Variants in TGFBI observed in about 807,000 individuals in gnomAD.
TGFBI encodes the protein transforming growth factor beta induced, also known as transforming growth factor-beta-induced protein ig-h3.
In TGFBI, 50 loss-of-function variants were observed where a neutral mutation model predicts 73.7. The ratio of observed to expected loss-of-function variants is 0.68; its 90% CI spans 0.54 to 0.86. The LOEUF is 0.86. Among genes scored for constraint, TGFBI ranks in the 40% least tolerant of loss-of-function variants. The pLI is 0.00. For synonymous variants in TGFBI, 362 were observed against 360.5 expected, an observed-to-expected ratio of 1.00 and a Z score of -0.05; for missense variants, 839 against 877.0, an observed-to-expected ratio of 0.96 and a Z score of 0.55.
At chr5:136,037,878 C>G (rs958651777) in intron 2 of TGFBI, among the ~76,000 whole-genome samples, 2 of 152,154 alleles carry the variant, frequency 1.3e-5, no homozygotes, top group Non-Finnish European at 2.9e-5. Flanking sequence ...CTGGGCAGGG[C>G]ACTGGGGACA....
intron 6 of TGFBI, chr5:136,047,706 C>G: frequency 2.6e-6 from 1 of 378,106 alleles, no homozygotes; most frequent in Admixed American, 4.1e-5. Flanking sequence ...GAGCCCTGGA[C>G]CTGCACTGTG....
At position 136,054,873 on chromosome 5, in the gene TGFBI, G is replaced by T. The variant is rs1179748833; in HGVS notation, c.1410+12G>T. 6.2e-7 allele frequency: 1 copy of T among 1,611,934 alleles called. No homozygotes were observed. The highest frequency in any genetic ancestry group is 1.7e-4 in the Middle Eastern group (1 of 6,058). On this transcript the variant is annotated intron_variant, in intron 10 of 16. Transcript: ENST00000442011. ...TTGTTTATCGTAATGTAAGTTCTGG[G>T]TCCTAAATCATGCTCCTGGGAAGCT...
At position 136,053,947 on chromosome 5, in the gene TGFBI, G is replaced by T. The variant is rs557545677; in HGVS notation, c.1131G>T (p.Lys377Asn). 6.2e-7 allele frequency: 1 copy of T among 1,613,904 alleles called. No individual in the cohort carries two copies. Residue 377 changes from lysine to asparagine, a missense_variant, in exon 9 of 17, where the codon AAG (lysine) becomes AAT (asparagine). Lys to Asn is a moderately conservative substitution (Grantham distance 94). Transcript: ENST00000442011. ...CCACTTTCTCCTTCCTTGTAGCCAAGACACTATTTGAATTGGCTGCAGAGT... is the reference window on the plus strand; with the variant it reads ...CCACTTTCTCCTTCCTTGTAGCCAATACACTATTTGAATTGGCTGCAGAGT... The part of the protein sequence containing the change: ...IDELLIPDSA[K>N]TLFELAAESD...
At position 136,046,979 on chromosome 5, in the gene TGFBI, G is replaced by A. The variant is rs1196045402; in HGVS notation, c.588G>A (p.Gln196=). 6.2e-7 allele frequency: 1 copy of A among 1,613,410 alleles called. No individual in the cohort carries two copies. Among genetic ancestry groups the A allele is most frequent in the East Asian group, 2.2e-5 (1 of 44,814 alleles). The change falls in exon 5 of 17, where the codon CAG becomes CAA. Residue 196 remains glutamine (Q), a synonymous_variant. Coordinates refer to ENST00000442011, the MANE Select transcript of TGFBI (RefSeq NM_000358.3). ...GCATGACCCTCACCTCTATGTACCA[G>A]AATTCCAACATCCAGATCCACCACT... ...KHGMTLTSMY[Q]NSNIQIHHYP...
At chr5:136,043,977 CAACTTA>C in intron 2 of TGFBI, 75 bp from the exon 3 acceptor site, 1 of 1,206,040 alleles carries the variant, frequency 8.3e-7, no homozygotes, top group Middle Eastern at 1.9e-4. Context: ...GCTGTGGAGG[CAACTTA>C]GTGGAGAGGG....
intron 3 of TGFBI, chr5:136,046,012 A>G (rs1751420024): frequency 4.7e-6 from 1 of 212,764 alleles, no homozygotes; most frequent in East Asian, 1.0e-4. Context: ...ACTAGTTTGT[A>G]ATTAGGATAT....
chr5:136,033,618 A>T, intron 1 of TGFBI, 145 bp from the exon 2 acceptor site: 1 of 653,142 alleles, frequency 1.5e-6, no homozygotes, highest in East Asian at 2.8e-5. Context: ...TCTAAACCCA[A>T]GATATCCCCA....
At chr5:136,058,083 G>A (rs2126916218) in intron 12 of TGFBI, among the ~76,000 whole-genome samples, 1 of 152,246 alleles carries the variant, frequency 6.6e-6, no homozygotes, top group South Asian at 2.1e-4. Context: ...ATATTGAAAG[G>A]ACATCCCATG....
At chr5:136,037,078 A>G (rs563501645) in intron 2 of TGFBI, among the ~76,000 whole-genome samples, 97 of 152,302 alleles carry the variant, frequency 6.4e-4, no homozygotes, top group Non-Finnish European at 1.1e-3. Flanking sequence ...CACTGCTATC[A>G]TCAGGTGAAG....
At position 136,029,034 on chromosome 5, in the gene TGFBI, T is replaced by A; in HGVS notation, c.-22T>A. Reference sequence around the variant, plus strand: ...GCTTGCCCGTCGGTCGCTAGCTCGCTCGGTGCGCGTCGTCCCGCTCCATGG... The same window carrying A: ...GCTTGCCCGTCGGTCGCTAGCTCGCACGGTGCGCGTCGTCCCGCTCCATGG... On this transcript the variant is annotated 5_prime_UTR_variant, in exon 1 of 17. Transcript: ENST00000442011. The A allele has an allele frequency of 6.6e-7, 1 of 1,517,682 alleles. No homozygotes were observed. Among genetic ancestry groups the A allele is most frequent in the Non-Finnish European group, 8.8e-7 (1 of 1,139,868 alleles). 94.0% of individuals were successfully genotyped at this position (1,517,682 alleles called of 1,614,324 possible). A position where few individuals can be genotyped will look rare whatever the true frequency, so the allele number is the denominator to read the frequency against.
Position 136,028,998 on chromosome 5 carries a change from T to A in TGFBI, c.-58T>A, listed in dbSNP as rs1279522134. On this transcript the variant is annotated 5_prime_UTR_variant, in exon 1 of 17. Transcript: ENST00000442011. ...GGCGGCGGAGGCGCTCTCACTTCCC[T>A]GGAGCCGCCCGCTTGCCCGTCGGTC... is the stretch of plus-strand genomic sequence containing the variant. The A allele has an allele frequency of 1.3e-6, 2 of 1,503,550 alleles. No individual in the cohort carries two copies. Among genetic ancestry groups the A allele is most frequent in the Non-Finnish European group, 1.8e-6 (2 of 1,133,190 alleles). 93.1% of individuals were successfully genotyped at this position (1,503,550 alleles called of 1,614,324 possible).
Position 136,046,856 on chromosome 5 carries a change from G to T in TGFBI, c.465G>T (p.Val155=). Reference sequence around the variant, plus strand: ...CACCCTGTCCTTCCTCCTAGGAAGTGCTGGACTCCCTGGTCAGCAATGTCA... The same window carrying T: ...CACCCTGTCCTTCCTCCTAGGAAGTTCTGGACTCCCTGGTCAGCAATGTCA... ...NEAWASLPAE[V]LDSLVSNVNI... is the part of the protein sequence containing the mutation. Residue 155 remains valine (V), a synonymous_variant, in exon 5 of 17, where the codon GTG becomes GTT. Transcript: ENST00000442011. The T allele has an allele frequency of 1.9e-6, 3 of 1,613,176 alleles. No homozygotes were observed. Among genetic ancestry groups the T allele is most frequent in the Non-Finnish European group, 2.5e-6 (3 of 1,179,464 alleles).
chr5:136,040,876 C>T (rs533428168), intron 2 of TGFBI, among the ~76,000 whole-genome samples: 10 of 152,304 alleles, frequency 6.6e-5, no homozygotes, highest in African/African-American at 1.9e-4. Flanking sequence ...TGATTGCTCC[C>T]AGCCCATCCA....
At chr5:136,031,523 G>A (rs1259763180) in intron 1 of TGFBI, among the ~76,000 whole-genome samples, 1 of 152,226 alleles carries the variant, frequency 6.6e-6, no homozygotes. Flanking sequence ...AGGTGAAACT[G>A]CAGCTTAGTG....
intron 12 of TGFBI, among the ~76,000 whole-genome samples, chr5:136,057,812 G>T (rs1370978725): frequency 1.3e-5 from 2 of 152,176 alleles, no homozygotes; most frequent in Non-Finnish European, 2.9e-5. Flanking sequence ...ATTGCTAAAT[G>T]AATGCCTGTG....
Position 136,063,366 on chromosome 5 carries a change from C to G in TGFBI, c.*140C>G. ...GGCCGCACCATAATGAGATGTGAGC[C>G]TTGTGCATGTGGGGGAGGAGGGAGA... On this transcript the variant is annotated 3_prime_UTR_variant, in exon 17 of 17. Coordinates refer to ENST00000442011, the MANE Select transcript of TGFBI (RefSeq NM_000358.3). 1 of 751,498 alleles carries G rather than the reference C, an allele frequency of 1.3e-6. No homozygotes were observed. The highest frequency in any genetic ancestry group is 2.3e-6 in the Non-Finnish European group (1 of 440,324). The allele number at this position is 751,498 out of a possible 1,614,324, so 46.6% of individuals were successfully genotyped here.
At chr5:136,058,780 G>A (rs1394926574) in intron 12 of TGFBI, 1 of 256,582 alleles carries the variant, frequency 3.9e-6, no homozygotes, top group African/African-American at 2.2e-5. Context: ...TACTCACAGA[G>A]GAGTATGGAT....
In TGFBI at chr5:136,051,510, G is replaced by A. The variant is rs45460600; in HGVS notation, c.914-1397G>A. 7.2e-3 allele frequency among the ~76,000 whole-genome samples: 1,093 copies of A among 152,212 alleles called. 12 individuals carry two copies. Among genetic ancestry groups the A allele is most frequent in the African/African-American group, 0.024 (1,015 of 41,530 alleles). On this transcript the variant is annotated intron_variant, in intron 7 of 16. Transcript: ENST00000442011. ...GTAAGAAAAAAAAGGCCCCTACTTC[G>A]TCCCTTTTGCAAATCTGCCTTTTCC... is the stretch of plus-strand genomic sequence containing the variant.
chr5:136,059,898 T>A (rs1751717416), intron 13 of TGFBI, among the ~76,000 whole-genome samples: 1 of 151,742 alleles, frequency 6.6e-6, no homozygotes, highest in South Asian at 2.1e-4. Flanking sequence ...GGCACGGGGA[T>A]GACTTGTTTG....
Sources: gnomAD v4.1 joint callset for allele counts (sites outside exome capture counted in the v4.1 genomes callset) on GRCh38, gnomAD v4.1.1 for gene constraint, MANE v1.5 for transcripts, NCBI Gene and HGNC (gene_info 2026-07-23, HGNC 2026-07-21) for gene names.